Variants in TTLL13 observed in about 807,000 individuals in gnomAD.
TTLL13 encodes the protein tubulin polyglutamylase TTLL13.
chr15:90,259,371 C>T, the TTLL13 span, among the ~76,000 whole-genome samples: 12 of 150,548 alleles, frequency 8.0e-5, no homozygotes, highest in Non-Finnish European at 1.6e-4. Flanking sequence ...GCCTGGGCAA[C>T]AGAGTGAGAC....
the TTLL13 span, among the ~76,000 whole-genome samples, chr15:90,256,710 A>G: frequency 2.9e-5 from 4 of 140,086 alleles, no homozygotes; most frequent in Non-Finnish European, 4.6e-5. Context: ...CTTTCTTTCG[A>G]TGGAGTCTCT....
chr15:90,265,030 A>C, the TTLL13 span: 1 of 1,469,862 alleles, frequency 6.8e-7, no homozygotes, highest in Non-Finnish European at 9.0e-7. Context: ...AGGGCATTAA[A>C]TCTTTGCTAA....
chr15:90,256,657 C>A, the TTLL13 span, among the ~76,000 whole-genome samples: 1 of 147,662 alleles, frequency 6.8e-6, no homozygotes. Flanking sequence ...TTCTCCCTTT[C>A]CTTCCCTTCC....
chr15:90,250,656 T>C, the TTLL13 span: 27 of 1,613,988 alleles, frequency 1.7e-5, no homozygotes, highest in Non-Finnish European at 2.2e-5. Flanking sequence ...TGTAGGACCA[T>C]GGAATCAGAG....
At chr15:90,263,510 C>T in the TTLL13 span, 2 of 527,144 alleles carry the variant, frequency 3.8e-6, no homozygotes, top group Non-Finnish European at 6.7e-6. Context: ...TGCCCCAGCT[C>T]TAATGGGAGA....
the TTLL13 span, among the ~76,000 whole-genome samples, chr15:90,253,765 C>T: frequency 6.6e-6 from 1 of 152,168 alleles, no homozygotes; most frequent in East Asian, 1.9e-4. Context: ...TAGGAGACTG[C>T]GGGGTCCTGC....
the TTLL13 span, among the ~76,000 whole-genome samples, chr15:90,261,185 T>G: frequency 5.9e-5 from 9 of 151,360 alleles, no homozygotes; most frequent in Non-Finnish European, 8.8e-5. Flanking sequence ...TTCAAAAAAT[T>G]TTCCTGCCTC....
the TTLL13 span, chr15:90,258,140 C>T: frequency 6.2e-7 from 1 of 1,614,232 alleles, no homozygotes; most frequent in Non-Finnish European, 8.5e-7. Flanking sequence ...TCATCTCAGC[C>T]CATTCTGTTC....
At chr15:90,256,405 A>G in the TTLL13 span, 39 of 1,371,342 alleles carry the variant, frequency 2.8e-5, no homozygotes, top group African/African-American at 5.4e-4. Flanking sequence ...TACCCTTCCC[A>G]CTAGCCCCGT....
the TTLL13 span, chr15:90,263,441 A>G: frequency 2.1e-6 from 1 of 478,764 alleles, no homozygotes. Context: ...CATGACTGAC[A>G]AATAACAAGC....
the TTLL13 span, chr15:90,265,419 G>A: frequency 2.3e-6 from 3 of 1,282,096 alleles, no homozygotes; most frequent in South Asian, 5.4e-5. Context: ...AGCCGCTGGG[G>A]CGGAGGGACG....
chr15:90,261,485 C>A, the TTLL13 span, among the ~76,000 whole-genome samples: 2 of 151,818 alleles, frequency 1.3e-5, no homozygotes, highest in South Asian at 4.2e-4. Flanking sequence ...TACGAGTAGA[C>A]CCCTCTCCAC....
the TTLL13 span, among the ~76,000 whole-genome samples, chr15:90,261,512 GC>G: frequency 6.6e-6 from 1 of 151,938 alleles, no homozygotes; most frequent in Non-Finnish European, 1.5e-5. Context: ...TGAAAATCAG[GC>G]CGAGTACGGT....
the TTLL13 span, chr15:90,258,034 G>A: frequency 3.0e-5 from 48 of 1,613,398 alleles, no homozygotes; most frequent in Admixed American, 7.0e-4. Context: ...ACTGGGCCTC[G>A]CAGGAAGCTG....
At chr15:90,256,621 C>CT in the TTLL13 span, among the ~76,000 whole-genome samples, 1 of 69,668 alleles carries the variant, frequency 1.4e-5, no homozygotes, top group African/African-American at 5.4e-5. Flanking sequence ...TTCCTTCCTT[C>CT]CTTCCTTCCT....
chr15:90,259,299 A>G, the TTLL13 span, among the ~76,000 whole-genome samples: 2 of 151,914 alleles, frequency 1.3e-5, no homozygotes, highest in Non-Finnish European at 2.9e-5. Context: ...CTGAGGTGGG[A>G]TGGTTACTTG....
At chr15:90,256,334 C>T in the TTLL13 span, 527 of 1,612,962 alleles carry the variant, frequency 3.3e-4, 1 homozygote, top group Middle Eastern at 6.9e-4. Context: ...CTTCCCTAGT[C>T]CCCAGCACTG....
At chr15:90,251,671 C>A in the TTLL13 span, 1 of 1,535,226 alleles carries the variant, frequency 6.5e-7, no homozygotes, top group South Asian at 1.1e-5. Context: ...CTGGAATGGA[C>A]CCCCGATCAG....
chr15:90,249,984 C>A, the TTLL13 span, among the ~76,000 whole-genome samples: 1 of 118,130 alleles, frequency 8.5e-6, no homozygotes. Flanking sequence ...TAGAGACAGA[C>A]TCTTGCTCTG....
Sources: gnomAD v4.1 joint callset for allele counts (sites outside exome capture counted in the v4.1 genomes callset) on GRCh38, gnomAD v4.1.1 for gene constraint, MANE v1.5 for transcripts, NCBI Gene and HGNC (gene_info 2026-07-23, HGNC 2026-07-21) for gene names.